The following SYT14 variants were observed in gnomAD, a reference collection of about 807,000 sequenced individuals.
The protein encoded by SYT14 is synaptotagmin-14.
Under a neutral mutation model 74.2 loss-of-function variants are expected in SYT14, and 32 were observed. That is an observed-to-expected ratio of 0.43 (90% confidence interval 0.33 to 0.58). The LOEUF (loss-of-function observed/expected upper bound fraction) is 0.58, where lower values mean the gene tolerates loss of function less well. Among genes scored for constraint, SYT14 ranks in the 20% least tolerant of loss-of-function variants. The pLI, the probability that SYT14 is intolerant of heterozygous loss-of-function variation, is 0.05. For synonymous variants in SYT14, 298 were observed against 337.7 expected (o/e 0.88, Z 1.29); for missense variants, 791 against 981.8 (o/e 0.81, Z 2.60).
At position 210,081,622 on chromosome 1, in the gene SYT14, A is replaced by G. The variant is rs572079531; in HGVS notation, c.1313-12700A>G. Among the ~76,000 whole-genome samples the G allele has an allele frequency of 2.0e-5, 3 of 152,306 alleles. No homozygotes were observed. In the East Asian group the frequency reaches 5.8e-4, roughly 29 times the overall value. ...AGGGTTGCCACAGACCTTCAGTGTA[A>G]CTGCTGTATCTTTGAAGCACAATAA... On this transcript the variant is annotated intron_variant, in intron 5 of 9. Transcript: ENST00000637265.
chr1:210,111,025 TGA>T (rs2082252102), intron 7 of SYT14, among the ~76,000 whole-genome samples: 1 of 152,210 alleles, frequency 6.6e-6, no homozygotes, highest in Non-Finnish European at 1.5e-5. Context: ...ATTACAGGTG[TGA>T]GCCACCACAT....
chr1:210,149,434 CT>C (rs1446889309), intron 7 of SYT14, among the ~76,000 whole-genome samples: 1 of 152,092 alleles, frequency 6.6e-6, no homozygotes, highest in Admixed American at 6.6e-5. Flanking sequence ...ATCTGCCTGC[CT>C]TGGCCTCCCA....
exon 10 of SYT14, chr1:210,161,896 C>G (rs1444137863): frequency 1.3e-5 from 6 of 451,050 alleles, no homozygotes; most frequent in African/African-American, 1.2e-4. Flanking sequence ...ATTGACTCTT[C>G]AAAATTGCAG....
At chr1:210,088,637 A>G (rs1407651613) in intron 5 of SYT14, among the ~76,000 whole-genome samples, 7 of 152,040 alleles carry the variant, frequency 4.6e-5, no homozygotes, top group Admixed American at 3.9e-4. Flanking sequence ...CATATATACC[A>G]TGGAATACTA....
At chr1:210,004,794 A>G (rs2102891031) in intron 2 of SYT14, among the ~76,000 whole-genome samples, 1 of 152,152 alleles carries the variant, frequency 6.6e-6, no homozygotes, top group Middle Eastern at 3.4e-3. Flanking sequence ...ATCTTTTCTC[A>G]AAGCTTTTAG....
intron 2 of SYT14, among the ~76,000 whole-genome samples, chr1:209,999,281 G>A (rs2079851025): frequency 6.6e-6 from 1 of 152,048 alleles, no homozygotes; most frequent in Non-Finnish European, 1.5e-5. Flanking sequence ...GCAGAAAAGT[G>A]GGAATTCTTA....
intron 6 of SYT14, among the ~76,000 whole-genome samples, chr1:210,095,975 C>T (rs1022311752): frequency 1.3e-5 from 2 of 152,066 alleles, no homozygotes; most frequent in Non-Finnish European, 2.9e-5. Context: ...AACAGTGAAG[C>T]CTGGATTGTG....
At chr1:210,090,312 G>C (rs769321241) in intron 5 of SYT14, among the ~76,000 whole-genome samples, 4 of 151,516 alleles carry the variant, frequency 2.6e-5, no homozygotes, top group Non-Finnish European at 5.9e-5. Context: ...GAAATGTATT[G>C]AGACTTAATT....
chr1:210,137,144 A>G (rs1464391372), intron 7 of SYT14, among the ~76,000 whole-genome samples: 3 of 152,176 alleles, frequency 2.0e-5, no homozygotes, highest in African/African-American at 7.2e-5. Context: ...GACTTACCCA[A>G]TTTTGTAATT....
chr1:210,152,388 A>G (rs1473795401), intron 7 of SYT14, among the ~76,000 whole-genome samples: 3 of 152,146 alleles, frequency 2.0e-5, no homozygotes, highest in Non-Finnish European at 4.4e-5. Flanking sequence ...AATTTTAACT[A>G]CATTGTTATA....
In SYT14 at chr1:210,077,884, C is replaced by A. The variant is rs1453252803; in HGVS notation, c.1313-16438C>A. Among the ~76,000 whole-genome samples the A allele has an allele frequency of 2.6e-5, 4 of 152,086 alleles. No individual in the cohort carries two copies. The East Asian group carries it at 5.8e-4, about 22-fold the overall frequency. ...ATGGAAACTAGATGCAGAATGGTGC[C>A]ACAAAGGAAGGGATTGTTAAACAGA... On this transcript the variant is annotated intron_variant, in intron 5 of 9. Coordinates refer to ENST00000637265, the Ensembl canonical transcript of SYT14.
At chr1:210,097,317 A>G (rs1412288060) in intron 6 of SYT14, among the ~76,000 whole-genome samples, 1 of 152,210 alleles carries the variant, frequency 6.6e-6, no homozygotes, top group Non-Finnish European at 1.5e-5. Context: ...AAGGTTCAGA[A>G]GAATTCCATG....
intron 7 of SYT14, among the ~76,000 whole-genome samples, chr1:210,147,008 A>G (rs182634318): frequency 6.6e-5 from 10 of 152,202 alleles, no homozygotes; most frequent in African/African-American, 1.2e-4. Flanking sequence ...ATGAACTCAC[A>G]TTTTAAAAAG....
chr1:210,164,747 CACAAAG>C (rs911610362), exon 10 of SYT14: 12 of 152,150 alleles, frequency 7.9e-5, no homozygotes, highest in African/African-American at 2.6e-4. Context: ...ACAGATTTTT[CACAAAG>C]ACAGTTATTA....
chr1:210,138,250 G>A (rs1028022582), intron 7 of SYT14, among the ~76,000 whole-genome samples: 1 of 152,226 alleles, frequency 6.6e-6, no homozygotes, highest in Non-Finnish European at 1.5e-5. Flanking sequence ...CGACAGGCAA[G>A]AGAGCCTGTG....
At chr1:209,969,684 T>G (rs2079215204) in intron 2 of SYT14, among the ~76,000 whole-genome samples, 1 of 152,002 alleles carries the variant, frequency 6.6e-6, no homozygotes, top group Non-Finnish European at 1.5e-5. Flanking sequence ...AGACGGGGTT[T>G]CACCGTGTTA....
intron 1 of SYT14, among the ~76,000 whole-genome samples, chr1:209,939,108 CCAAGTGT>C (rs2078687013): frequency 4.6e-5 from 7 of 152,104 alleles, no homozygotes; most frequent in Admixed American, 4.6e-4. Context: ...GTAACTGGGA[CCAAGTGT>C]CTATATTTTG....
At chr1:209,939,027 C>T (rs926093382) in intron 1 of SYT14, among the ~76,000 whole-genome samples, 3 of 152,148 alleles carry the variant, frequency 2.0e-5, no homozygotes, top group Non-Finnish European at 2.9e-5. Context: ...CGAAAAACAG[C>T]TTAATAAAAA....
intron 2 of SYT14, among the ~76,000 whole-genome samples, chr1:209,955,429 C>T (rs2102691370): frequency 6.6e-6 from 1 of 152,268 alleles, no homozygotes; most frequent in East Asian, 1.9e-4. Flanking sequence ...TTATTGTCCA[C>T]ATTTAATTTA....
Sources: gnomAD v4.1 joint callset for allele counts (sites outside exome capture counted in the v4.1 genomes callset) on GRCh38, gnomAD v4.1.1 for gene constraint, MANE v1.5 for transcripts, NCBI Gene and HGNC (gene_info 2026-07-23, HGNC 2026-07-21) for gene names.